MGAM2: variants seen among roughly 807,000 people sequenced by gnomAD.
MGAM2 encodes probable maltase-glucoamylase 2.
MGAM2 carries 98 observed loss-of-function variants against 96.1 expected under a neutral mutation model. The ratio of observed to expected loss-of-function variants is 1.02; its 90% CI spans 0.87 to 1.21. The LOEUF is 1.21. MGAM2 is among the 50% of genes most tolerant of loss of function. MGAM2 has a pLI of 0.00. For missense variants in MGAM2, 2,055 were observed against 1,182.4 expected (o/e 1.74, Z -10.82); for synonymous variants, 749 against 414.8 (o/e 1.81, Z -9.79).
At chr7:142,168,088 C>T (rs1049003210) in intron 26 of MGAM2, among the ~76,000 whole-genome samples, 2 of 152,142 alleles carry the variant, frequency 1.3e-5, no homozygotes, top group African/African-American at 4.8e-5. Flanking sequence ...GGCAAACTCA[C>T]ATGAGAGGCA....
At chr7:142,208,252 A>ACTACATGCTT (rs1212816425) in intron 45 of MGAM2, 1 of 501,904 alleles carries the variant, frequency 2.0e-6, no homozygotes, top group East Asian at 5.6e-5. Context: ...AACTCCTATG[A>ACTACATGCTT]CTACATGCTT....
At chr7:142,188,109 AACACACACACAC>A (rs60052742) in intron 36 of MGAM2, among the ~76,000 whole-genome samples, 50 of 143,658 alleles carry the variant, frequency 3.5e-4, no homozygotes, top group East Asian at 1.9e-3. Context: ...TAAACCCTTA[AACACACACACAC>A]ACACACACAC....
At chr7:142,196,653 C>T (rs182196357) in intron 39 of MGAM2, 47 bp from the exon 40 acceptor site, 10 of 753,362 alleles carry the variant, frequency 1.3e-5, no homozygotes, top group African/African-American at 6.8e-5. Flanking sequence ...AGTGAGTCAG[C>T]GCCTCATGAA....
At chr7:142,169,543 T>C (rs1796130395) in intron 26 of MGAM2, among the ~76,000 whole-genome samples, 1 of 152,194 alleles carries the variant, frequency 6.6e-6, no homozygotes, top group Non-Finnish European at 1.5e-5. Context: ...CATAACATTT[T>C]TCACTCCTTT....
chr7:142,203,512 T>G (rs1436381279), intron 45 of MGAM2, among the ~76,000 whole-genome samples: 2 of 152,006 alleles, frequency 1.3e-5, no homozygotes, highest in East Asian at 3.9e-4. Context: ...AAAATTCCTA[T>G]GGAACCAGAA....
intron 43 of MGAM2, among the ~76,000 whole-genome samples, 192 bp downstream of exon 43, chr7:142,198,387 T>TC (rs937901823): frequency 1.8e-4 from 27 of 151,944 alleles, no homozygotes; most frequent in Non-Finnish European, 2.9e-4. Context: ...TCATTGAAGC[T>TC]CCCCCCTCAC....
chr7:142,131,492 C>T (rs1358810393), intron 4 of MGAM2, 26 bp from the exon 5 acceptor site: 11 of 697,048 alleles, frequency 1.6e-5, no homozygotes, highest in Non-Finnish European at 2.3e-5. Flanking sequence ...CTCCTTTTCT[C>T]TCTCTCCATA....
intron 15 of MGAM2, among the ~76,000 whole-genome samples, chr7:142,149,946 C>CT (rs113381769): frequency 0.023 from 3,054 of 134,964 alleles, 74 homozygotes; most frequent in African/African-American, 0.062. Flanking sequence ...CTGTTAAATT[C>CT]TTTTTTTTTT....
At chr7:142,155,353 T>C (rs1446619734) in intron 17 of MGAM2, among the ~76,000 whole-genome samples, 1 of 152,194 alleles carries the variant, frequency 6.6e-6, no homozygotes, top group Admixed American at 6.5e-5. Flanking sequence ...CTACCCAAAA[T>C]AGTATTTTCG....
intron 37 of MGAM2, among the ~76,000 whole-genome samples, chr7:142,195,345 CTTTTTTTTT>C (rs1013124747): frequency 1.3e-4 from 9 of 70,040 alleles, no homozygotes; most frequent in East Asian, 5.1e-4. Flanking sequence ...CCTTTTTACT[CTTTTTTTTT>C]TTTTTTTTTT....
At chr7:142,136,372 T>G (rs536001561) in intron 7 of MGAM2, among the ~76,000 whole-genome samples, 169 bp from the exon 8 acceptor site, 1 of 152,360 alleles carries the variant, frequency 6.6e-6, no homozygotes, top group South Asian at 2.1e-4. Flanking sequence ...ATATTTTGTT[T>G]ATTCATTTTC....
At chr7:142,160,753 G>A (rs1347053312) in intron 21 of MGAM2, among the ~76,000 whole-genome samples, 1 of 151,638 alleles carries the variant, frequency 6.6e-6, no homozygotes, top group Non-Finnish European at 1.5e-5. Flanking sequence ...AACTGGAGAT[G>A]ATGATAGTTT....
chr7:142,218,575 C>A, intron 47 of MGAM2, 44 bp downstream of exon 47: 1 of 547,672 alleles, frequency 1.8e-6, no homozygotes, highest in Non-Finnish European at 3.3e-6. Context: ...TAAATTTTAT[C>A]ATTCTGCAAA....
chr7:142,189,514 C>T lies in MGAM2; in HGVS notation c.4346+9C>T. ...ACCAGACCCACATACGAGTGAGTGT[C>T]TTTTTGTCACAGCAGCAAAGATAAT... On this transcript the variant is annotated intron_variant, in intron 37 of 47. Transcript: ENST00000477922. 1 of 756,748 alleles carries T rather than the reference C, an allele frequency of 1.3e-6. No individual in the cohort carries two copies. The highest frequency in any genetic ancestry group is 2.3e-6 in the Non-Finnish European group (1 of 443,252). The allele number at this position is 756,748 out of a possible 1,614,324, so 46.9% of individuals were successfully genotyped here.
intron 32 of MGAM2, among the ~76,000 whole-genome samples, chr7:142,179,625 G>T (rs761722120): frequency 2.0e-5 from 3 of 152,130 alleles, no homozygotes; most frequent in Non-Finnish European, 2.9e-5. Flanking sequence ...TATGGCTTTT[G>T]TTTTTAATTC....
chr7:142,143,293 G>C (rs1040176390), intron 12 of MGAM2, among the ~76,000 whole-genome samples: 2 of 152,102 alleles, frequency 1.3e-5, no homozygotes, highest in African/African-American at 4.8e-5. Context: ...TTTAAAAAAT[G>C]ACCTGAGTAA....
intron 15 of MGAM2, among the ~76,000 whole-genome samples, chr7:142,150,409 T>TC (rs530672936): frequency 1.3e-5 from 2 of 151,966 alleles, no homozygotes; most frequent in Admixed American, 6.6e-5. Flanking sequence ...ACCTCCATTT[T>TC]CCCCCCTTAA....
At chr7:142,158,897 T>C (rs1795813584) in intron 19 of MGAM2, among the ~76,000 whole-genome samples, 2 of 152,198 alleles carry the variant, frequency 1.3e-5, no homozygotes, top group Non-Finnish European at 2.9e-5. Context: ...AGTGTAGCCA[T>C]GTCAAAGGCC....
chr7:142,187,665 G>T, intron 35 of MGAM2, 85 bp from the exon 36 acceptor site: 1 of 649,164 alleles, frequency 1.5e-6, no homozygotes, highest in African/African-American at 1.8e-5. Context: ...GGCTTCAAAA[G>T]TCATCTCCCT....
Sources: allele counts gnomAD v4.1 joint callset (sites outside exome capture counted in the v4.1 genomes callset), GRCh38; gene constraint gnomAD v4.1.1; transcripts MANE v1.5; gene names NCBI Gene and HGNC (gene_info 2026-07-23, HGNC 2026-07-21).